The following ANKFY1 variants were observed in gnomAD, a reference collection of about 807,000 sequenced individuals.
ANKFY1 encodes the protein ankyrin repeat and FYVE domain-containing protein 1.
ANKFY1 carries 47 observed loss-of-function variants against 128.3 expected under a neutral mutation model. The ratio of observed to expected loss-of-function variants is 0.37; its 90% CI spans 0.29 to 0.47. The LOEUF is 0.47. Among genes scored for constraint, ANKFY1 ranks in the 20% least tolerant of loss-of-function variants. The pLI is 1.00. For missense variants in ANKFY1, 1,222 were observed against 1,510.6 expected, an observed-to-expected ratio of 0.81 and a Z score of 3.17; for synonymous variants, 553 against 601.6, an observed-to-expected ratio of 0.92 and a Z score of 1.18.
chr17:4,220,498 G>A (rs1300334198), intron 3 of ANKFY1, among the ~76,000 whole-genome samples: 1 of 152,160 alleles, frequency 6.6e-6, no homozygotes, highest in Non-Finnish European at 1.5e-5. Flanking sequence ...AATACTATTT[G>A]CAAACTTGCC....
Position 4,169,566 on chromosome 17 carries a change from T to G in ANKFY1, c.3287-278A>C, listed in dbSNP as rs1272118673. On this transcript the variant is annotated intron_variant, in intron 23 of 24. Coordinates refer to ENST00000341657, the MANE Select transcript of ANKFY1 (RefSeq NM_001330063.2). This position sits in a 1 kb window ranked among gnomAD's most constrained non-coding sequence, Gnocchi z 5.0. ...GGGGAAACACGTAGTCAGGGATGGC[T>G]GGGATGGAAGGCACGGTAGGGAGAG... 6.6e-6 allele frequency among the ~76,000 whole-genome samples: 1 copy of G among 151,992 alleles called. No individual in the cohort carries two copies. The highest frequency in any genetic ancestry group is 2.4e-5 in the African/African-American group (1 of 41,348).
chr17:4,183,765 G>A lies in ANKFY1; in HGVS notation c.1798+47C>T, dbSNP rs369136241. On this transcript the variant is annotated intron_variant, in intron 13 of 24. Coordinates refer to ENST00000341657, the MANE Select transcript of ANKFY1 (RefSeq NM_001330063.2). ...CCTCTGTCCCACCCGGCCCCACTTCGGACAGCTGTCTGTCTGCAGACATCA... is the reference window on the plus strand; with the variant it reads ...CCTCTGTCCCACCCGGCCCCACTTCAGACAGCTGTCTGTCTGCAGACATCA... 1.7e-4 allele frequency: 260 copies of A among 1,555,850 alleles called. 1 individual carries two copies. In the Middle Eastern group the frequency reaches 7.1e-3, roughly 43 times the overall value.
At chr17:4,254,996 T>C (rs1968040790) in intron 1 of ANKFY1, among the ~76,000 whole-genome samples, 1 of 152,074 alleles carries the variant, frequency 6.6e-6, no homozygotes, top group Non-Finnish European at 1.5e-5. Context: ...ATTAACACCA[T>C]GATGCCAGAT....
Position 4,167,705 on chromosome 17 carries a change from G to T in ANKFY1, c.*74C>A. 6.9e-7 allele frequency: 1 copy of T among 1,445,774 alleles called. No homozygotes were observed. The highest frequency in any genetic ancestry group is 1.4e-5 in the South Asian group (1 of 69,628). 89.6% of individuals were successfully genotyped at this position (1,445,774 alleles called of 1,614,324 possible). On this transcript the variant is annotated 3_prime_UTR_variant, in exon 25 of 25. Transcript: ENST00000341657. The surrounding 1 kb of genome is among the most constrained non-coding windows in gnomAD (Gnocchi z 4.1). ...ACACCCGCCAGCTCCTGCTCTGGGTGGGGTCAGGCTGGTGAGCAGAGCAGC... is the reference window on the plus strand; with the variant it reads ...ACACCCGCCAGCTCCTGCTCTGGGTTGGGTCAGGCTGGTGAGCAGAGCAGC...
intron 1 of ANKFY1, among the ~76,000 whole-genome samples, chr17:4,247,980 A>G (rs1005522254): frequency 3.9e-5 from 6 of 152,154 alleles, no homozygotes; most frequent in Non-Finnish European, 8.8e-5. Flanking sequence ...GTGTTGCAAG[A>G]TTCTCCCTGC....
At position 4,173,911 on chromosome 17, in the gene ANKFY1, T is replaced by C. The variant is rs752924557; in HGVS notation, c.2921A>G (p.Asn974Ser). The C allele has an allele frequency of 1.1e-5, 18 of 1,612,536 alleles. No homozygotes were observed. The highest frequency in any genetic ancestry group is 8.0e-5 in the African/African-American group (6 of 74,910). The change falls in exon 20 of 25, where the codon AAT becomes AGT. Residue 974 changes from asparagine to serine, a missense_variant and splice_region_variant. Physicochemically the swap from Asn to Ser is conservative, Grantham distance 46. Coordinates refer to ENST00000341657, the MANE Select transcript of ANKFY1 (RefSeq NM_001330063.2). ...ACTAAAGAATGACTGGGAGTTACCA[T>C]TGTTTCCATTCTCATCCACGGCAGC... ...DFAAVDENGN[N>S]ALHLAVMHGR...
At chr17:4,246,720 G>T (rs1242957479) in intron 1 of ANKFY1, among the ~76,000 whole-genome samples, 1 of 152,166 alleles carries the variant, frequency 6.6e-6, no homozygotes, top group Non-Finnish European at 1.5e-5. Flanking sequence ...ATAGCTGGCT[G>T]GGGAATTTCC....
At chr17:4,252,021 G>A (rs377064172) in intron 1 of ANKFY1, among the ~76,000 whole-genome samples, 3 of 140,148 alleles carry the variant, frequency 2.1e-5, no homozygotes, top group South Asian at 2.2e-4. Flanking sequence ...GCAACAGAAC[G>A]AGACTCCGTC....
intron 10 of ANKFY1, among the ~76,000 whole-genome samples, chr17:4,193,712 C>G (rs1394343291): frequency 6.6e-6 from 1 of 151,302 alleles, no homozygotes; most frequent in East Asian, 1.9e-4. Context: ...CAGGCGTGAG[C>G]CACTGCGCCT....
At chr17:4,263,792 G>C (rs967758320) in intron 1 of ANKFY1, 140 bp downstream of exon 1, 2 of 1,599,006 alleles carry the variant, frequency 1.3e-6, no homozygotes, top group South Asian at 2.2e-5. Context: ...GCTCCGGAGA[G>C]GCTAGACAGG....
chr17:4,208,814 G>T (rs2060072597), intron 5 of ANKFY1, among the ~76,000 whole-genome samples: 1 of 152,150 alleles, frequency 6.6e-6, no homozygotes, highest in Non-Finnish European at 1.5e-5. Context: ...CAGCACTTTG[G>T]GAGGCCGAGG....
intron 3 of ANKFY1, among the ~76,000 whole-genome samples, chr17:4,230,979 A>G (rs1450587276): frequency 6.6e-6 from 1 of 152,174 alleles, no homozygotes; most frequent in African/African-American, 2.4e-5. Context: ...TATTTTGCCA[A>G]TTTTACCAGT....
chr17:4,206,188 T>C (rs1432439083), intron 7 of ANKFY1, 133 bp downstream of exon 7: 2 of 977,810 alleles, frequency 2.0e-6, no homozygotes, highest in African/African-American at 3.3e-5. Flanking sequence ...ATGATCAAAT[T>C]CTAGATCATG....
chr17:4,196,144 TACACAC>T (rs35005172), intron 8 of ANKFY1, among the ~76,000 whole-genome samples: 13,216 of 83,574 alleles, frequency 0.16, 1,154 homozygotes, highest in African/African-American at 0.27. Flanking sequence ...CTGCATCTAC[TACACAC>T]ACACACACAC....
intron 10 of ANKFY1, among the ~76,000 whole-genome samples, chr17:4,192,214 T>G (rs1400673494): frequency 6.9e-6 from 1 of 144,206 alleles, no homozygotes; most frequent in Admixed American, 6.9e-5. Flanking sequence ...TGATGGTTGC[T>G]CTAATCTGGA....
chr17:4,238,416 C>A (rs1967024687), intron 2 of ANKFY1, among the ~76,000 whole-genome samples: 1 of 151,950 alleles, frequency 6.6e-6, no homozygotes, highest in Non-Finnish European at 1.5e-5. Flanking sequence ...CATTCCCTAT[C>A]TGATATTTAA....
At chr17:4,173,517 A>C in intron 20 of ANKFY1, 73 bp from the exon 21 acceptor site, 3 of 1,391,552 alleles carry the variant, frequency 2.2e-6, no homozygotes, top group South Asian at 1.2e-5. Flanking sequence ...CCTCACCCTC[A>C]CAGACCTCTC....
At chr17:4,234,099 TAC>T (rs2060561909) in intron 3 of ANKFY1, among the ~76,000 whole-genome samples, 1 of 152,128 alleles carries the variant, frequency 6.6e-6, no homozygotes, top group Non-Finnish European at 1.5e-5. Context: ...GTACATGCTG[TAC>T]AGTTACACAG....
At chr17:4,223,273 G>T in intron 3 of ANKFY1, 2 of 898,188 alleles carry the variant, frequency 2.2e-6, no homozygotes, top group Non-Finnish European at 3.8e-6. Context: ...TGAACTGAGG[G>T]AATCTTCACT....
Sources: gnomAD v4.1 joint callset for allele counts (sites outside exome capture counted in the v4.1 genomes callset) on GRCh38, gnomAD v4.1.1 for gene constraint, Gnocchi (gnomAD v3.1) non-coding constraint, MANE v1.5 for transcripts, NCBI Gene and HGNC (gene_info 2026-07-23, HGNC 2026-07-21) for gene names.